Variants in GABRD observed in about 807,000 individuals in gnomAD.
GABRD encodes the protein gamma-aminobutyric acid type A receptor subunit delta, also known as gamma-aminobutyric acid receptor subunit delta.
In GABRD, 25 loss-of-function variants were observed where a neutral mutation model predicts 47.3. The observed-to-expected ratio is 0.53, with a 90% CI of 0.39 to 0.74. The LOEUF (loss-of-function observed/expected upper bound fraction) is 0.74, where lower values mean the gene tolerates loss of function less well. GABRD is among the 30% of genes least tolerant of loss of function. The probability of loss-of-function intolerance (pLI) is 0.00; values close to 1 mark genes in which losing one functional copy is unlikely to be tolerated. For missense variants in GABRD, 497 were observed against 643.4 expected (o/e 0.77, Z 2.46); for synonymous variants, 314 against 278.8 (o/e 1.13, Z -1.26).
In GABRD at chr1:2,029,274, G is replaced by A. The variant is rs1316694796; in HGVS notation, c.847+8G>A. On this transcript the variant is annotated splice_region_variant and intron_variant, in intron 7 of 8. Coordinates refer to ENST00000378585, the MANE Select transcript of GABRD (RefSeq NM_000815.5). Reference sequence around the variant, plus strand: ...CCGCCAGGGTGTCTCTAGGTACGGGGCCTCGCCGCTGCTCCGAGGGAGCTG... The same window carrying A: ...CCGCCAGGGTGTCTCTAGGTACGGGACCTCGCCGCTGCTCCGAGGGAGCTG... 1.9e-6 allele frequency: 3 copies of A among 1,551,954 alleles called. No individual in the cohort carries two copies. The highest frequency in any genetic ancestry group is 2.6e-6 in the Non-Finnish European group (3 of 1,150,790).
chr1:2,028,772 T>A lies in GABRD; in HGVS notation c.692-339T>A, dbSNP rs1659001767. On this transcript the variant is annotated intron_variant, in intron 6 of 8. Transcript: ENST00000378585. This position sits in a 1 kb window ranked among gnomAD's most constrained non-coding sequence, Gnocchi z 6.4. ...GTGCTGGCTCCTTCCAGAGCCTGGC[T>A]GTGCCCGCAGGAGTGTTAGGAGAGA... 2.9e-6 allele frequency: 1 copy of A among 348,438 alleles called. No individual in the cohort carries two copies. The highest frequency in any genetic ancestry group is 3.8e-5 in the South Asian group (1 of 26,050). 21.6% of individuals were successfully genotyped at this position (348,438 alleles called of 1,614,324 possible).
chr1:2,025,947 G>A (rs910694798), intron 4 of GABRD, among the ~76,000 whole-genome samples: 1 of 152,250 alleles, frequency 6.6e-6, no homozygotes, highest in Non-Finnish European at 1.5e-5. Flanking sequence ...ACAGGAAGCC[G>A]GCAGATGTGG....
At position 2,029,285 on chromosome 1, in the gene GABRD, G is replaced by C; in HGVS notation, c.847+19G>C. The C allele has an allele frequency of 6.5e-7, 1 of 1,546,042 alleles. No individual in the cohort carries two copies. Among genetic ancestry groups the C allele is most frequent in the Non-Finnish European group, 8.7e-7 (1 of 1,148,264 alleles). ...TCTCTAGGTACGGGGCCTCGCCGCT[G>C]CTCCGAGGGAGCTGGAAGGGCGGCC... On this transcript the variant is annotated intron_variant, in intron 7 of 8. Coordinates refer to ENST00000378585, the MANE Select transcript of GABRD (RefSeq NM_000815.5).
intron 1 of GABRD, among the ~76,000 whole-genome samples, chr1:2,020,767 C>T (rs888851888): frequency 2.0e-5 from 3 of 152,222 alleles, no homozygotes; most frequent in Non-Finnish European, 4.4e-5. Context: ...GGCTGAAATC[C>T]AGACGGCTCT....
chr1:2,025,870 G>T (rs1009966197), intron 4 of GABRD, 132 bp downstream of exon 4: 8 of 704,702 alleles, frequency 1.1e-5, no homozygotes, highest in South Asian at 3.7e-5. Flanking sequence ...CGGAGGGGGG[G>T]GCAGAAGCTG....
chr1:2,023,175 C>A (rs1658828219), intron 1 of GABRD, among the ~76,000 whole-genome samples: 1 of 152,150 alleles, frequency 6.6e-6, no homozygotes, highest in Admixed American at 6.6e-5. Flanking sequence ...CCTGCTCATG[C>A]AGCTCCCCGG....
rs1452411789 is a variant in GABRD, at chr1:2,028,152, C to T, written c.554-3C>T. ...GCCGCCCACCTGTGTGCTTTTCCTC[C>T]AGACGGTTACTCATCGGAGGACATC... On this transcript the variant is annotated splice_polypyrimidine_tract_variant and splice_region_variant and intron_variant, in intron 5 of 8. Transcript: ENST00000378585. This position sits in a 1 kb window ranked among gnomAD's most constrained non-coding sequence, Gnocchi z 6.4. The T allele has an allele frequency of 6.2e-7, 1 of 1,607,446 alleles. No individual in the cohort carries two copies. Among genetic ancestry groups the T allele is most frequent in the South Asian group, 1.1e-5 (1 of 90,868 alleles).
At chr1:2,024,781 C>T in intron 1 of GABRD, 161 bp from the exon 2 acceptor site, 2 of 591,194 alleles carry the variant, frequency 3.4e-6, no homozygotes, top group Non-Finnish European at 6.1e-6. Flanking sequence ...CAGCCAGAGG[C>T]TTGGGGACTG....
chr1:2,026,053 T>C (rs1375647674), intron 4 of GABRD, among the ~76,000 whole-genome samples: 1 of 152,198 alleles, frequency 6.6e-6, no homozygotes, highest in Non-Finnish European at 1.5e-5. Flanking sequence ...TCAGTGGCAT[T>C]TGGCAGATTC....
intron 1 of GABRD, 118 bp from the exon 2 acceptor site, chr1:2,024,824 G>A (rs973874535): frequency 8.7e-6 from 6 of 693,240 alleles, no homozygotes; most frequent in Non-Finnish European, 1.5e-5. Flanking sequence ...CTCCCACAGT[G>A]GCCCCCCATG....
rs1270801941 is a variant in GABRD at position 2,025,021 on chromosome 1, G to A, written c.148G>A (p.Gly50Ser). ...WLPNLDGLIA[G>S]YARNFRPGIG... is the part of the protein sequence containing the mutation. ...CCCCAACCTGGACGGGCTGATAGCC[G>A]GCTACGCCCGCAACTTCCGGCCTGG... Residue 50 changes from glycine to serine, a missense_variant, in exon 2 of 9, where the codon GGC (glycine) becomes AGC (serine). Physicochemically the swap from Gly to Ser is moderately conservative, Grantham distance 56. Coordinates refer to ENST00000378585, the MANE Select transcript of GABRD (RefSeq NM_000815.5). The A allele has an allele frequency of 5.0e-6, 8 of 1,612,550 alleles. No individual in the cohort carries two copies. Among genetic ancestry groups the A allele is most frequent in the African/African-American group, 2.7e-5 (2 of 74,954 alleles).
rs763081509 is a variant in GABRD at position 2,030,106 on chromosome 1, G to C, written c.1183G>C (p.Gly395Arg). 1 of 1,594,020 alleles carries C rather than the reference G, an allele frequency of 6.3e-7. No individual in the cohort carries two copies. The highest frequency in any genetic ancestry group is 1.7e-5 in the Admixed American group (1 of 57,378). Residue 395 changes from glycine (G) to arginine (R), a missense_variant, in exon 9 of 9, where the codon GGG (glycine) becomes CGG (arginine). Physicochemically the swap from Gly to Arg is moderately radical, Grantham distance 125 (BLOSUM62 -2). This residue lies in a region of GABRD where 121 missense variants were observed against 121.3 expected (regional missense o/e 1.00). Transcript: ENST00000378585. ...GNLMGSYRSV[G>R]VETGETKKEG... ...CCTGATGGGCTCCTACAGGTCGGTG[G>C]GGGTGGAGACAGGGGAGACGAAGAA...
At position 2,027,588 on chromosome 1, in the gene GABRD, CTG is replaced by C; in HGVS notation, c.485_486del (p.Val162GlyfsTer266). On this transcript the variant is annotated frameshift_variant, in exon 5 of 9. Coordinates refer to ENST00000378585, the MANE Select transcript of GABRD (RefSeq NM_000815.5). LOFTEE classifies it high-confidence loss of function. ...GCTTGTCTTGGCAGAATCACCTCCACTGTGGCCTGCGACATGGACCTGGCCAA... is the reference window on the plus strand; with the variant it reads ...GCTTGTCTTGGCAGAATCACCTCCACTGGCCTGCGACATGGACCTGGCCAA... The C allele has an allele frequency of 8.7e-6, 14 of 1,613,580 alleles. No homozygotes were observed. Among genetic ancestry groups the C allele is most frequent in the Non-Finnish European group, 1.2e-5 (14 of 1,179,810 alleles).
Position 2,025,038 on chromosome 1 carries a change from C to T in GABRD, c.165C>T (p.Phe55=), listed in dbSNP as rs1658880214. The T allele has an allele frequency of 1.2e-6, 2 of 1,612,438 alleles. No individual in the cohort carries two copies. The highest frequency in any genetic ancestry group is 1.7e-6 in the Non-Finnish European group (2 of 1,179,678). The part of the protein sequence containing the change: ...DGLIAGYARN[F]RPGIGGPPVN... ...TGATAGCCGGCTACGCCCGCAACTTCCGGCCTGGCATCGGAGGTGAGGGGC... is the reference window on the plus strand; with the variant it reads ...TGATAGCCGGCTACGCCCGCAACTTTCGGCCTGGCATCGGAGGTGAGGGGC... The change falls in exon 2 of 9, where the codon TTC becomes TTT. Residue 55 remains phenylalanine, a synonymous_variant. Transcript: ENST00000378585.
At position 2,027,671 on chromosome 1, in the gene GABRD, T is replaced by C; in HGVS notation, c.553+12T>C. 6.2e-7 allele frequency: 1 copy of C among 1,612,488 alleles called. No individual in the cohort carries two copies. The highest frequency in any genetic ancestry group is 8.5e-7 in the Non-Finnish European group (1 of 1,178,966). On this transcript the variant is annotated intron_variant, in intron 5 of 8. Transcript: ENST00000378585. ...GGACCTGGAGAGCTGTGAGTGGGTGTGCAAGGCGGGTAGGGGCTTCTCCAG... is the reference window on the plus strand; with the variant it reads ...GGACCTGGAGAGCTGTGAGTGGGTGCGCAAGGCGGGTAGGGGCTTCTCCAG...
Position 2,019,430 on chromosome 1 carries a change from G to A in GABRD, c.7G>A (p.Ala3Thr), listed in dbSNP as rs759523853. The A allele has an allele frequency of 9.2e-7, 1 of 1,090,338 alleles. No homozygotes were observed. Among genetic ancestry groups the A allele is most frequent in the Non-Finnish European group, 1.1e-6 (1 of 899,500 alleles). 67.5% of individuals were successfully genotyped at this position (1,090,338 alleles called of 1,614,324 possible). A position where few individuals can be genotyped will look rare whatever the true frequency, so the allele number is the denominator to read the frequency against. Residue 3 changes from alanine to threonine, a missense_variant, in exon 1 of 9, where the codon GCG becomes ACG. Coordinates refer to ENST00000378585, the MANE Select transcript of GABRD (RefSeq NM_000815.5). ...TCCCGAGCCCGCCGCGGCCATGGAC[G>A]CGCCCGCCCGGCTGCTGGCCCCGCT... MD[A>T]PARLLAPLLL...
rs144046110 is a variant in GABRD at position 2,029,115 on chromosome 1, C to T, written c.696C>T (p.Gly232=). 31 of 1,541,210 alleles carry T rather than the reference C, an allele frequency of 2.0e-5. No homozygotes were observed. The African/African-American group carries it at 4.1e-4, about 20-fold the overall frequency. Residue 232 remains glycine, a synonymous_variant, in exon 7 of 9, where the codon GGC becomes GGT. Transcript: ENST00000378585. ...TGACGGTGGCTGTCCTGGCAGCTGG[C>T]CAGTTCCCACGGCTCAGCCTGCACT... ...TTELMNFKSA[G]QFPRLSLHFH...
intron 1 of GABRD, among the ~76,000 whole-genome samples, chr1:2,021,222 A>G (rs1332732265): frequency 6.6e-6 from 1 of 152,204 alleles, no homozygotes; most frequent in East Asian, 1.9e-4. Flanking sequence ...ACCTGGCTGC[A>G]TGCTGCAGCC....
rs1215180187 is a variant in GABRD, at chr1:2,024,840, G to A, written c.69-102G>A. The stretch of plus-strand genomic sequence containing the variant: ...TCCCACAGTGGCCCCCCATGCCCTG[G>A]CCCAGGTGCCCAGAACAGTGCTGCA... On this transcript the variant is annotated intron_variant, in intron 1 of 8. Transcript: ENST00000378585. 5 of 821,984 alleles carry A rather than the reference G, an allele frequency of 6.1e-6. No individual in the cohort carries two copies. In the African/African-American group the frequency reaches 6.8e-5, roughly 11 times the overall value. 50.9% of individuals were successfully genotyped at this position (821,984 alleles called of 1,614,324 possible).
Sources: gnomAD v4.1 joint callset for allele counts (sites outside exome capture counted in the v4.1 genomes callset) on GRCh38, gnomAD v4.1.1 for gene constraint, gnomAD v4.1.1 regional missense constraint, Gnocchi (gnomAD v3.1) non-coding constraint, MANE v1.5 for transcripts, NCBI Gene and HGNC (gene_info 2026-07-23, HGNC 2026-07-21) for gene names.